The following COL26A1 variants were observed in gnomAD, a reference collection of about 807,000 sequenced individuals.
The protein encoded by COL26A1 is collagen type XXVI alpha 1 chain, also known as collagen alpha-1(XXVI) chain.
Under a neutral mutation model 59.3 loss-of-function variants are expected in COL26A1, and 41 were observed. That is an observed-to-expected ratio of 0.69 (90% CI 0.54 to 0.90). COL26A1 has a LOEUF of 0.90. Among genes scored for constraint, COL26A1 ranks in the 40% least tolerant of loss-of-function variants. COL26A1 has a pLI of 0.00. For synonymous variants in COL26A1, 266 were observed against 256.0 expected (o/e 1.04, Z -0.37); for missense variants, 612 against 602.3 (o/e 1.02, Z -0.17).
chr7:101,490,778 C>T (rs1563009074), intron 3 of COL26A1, among the ~76,000 whole-genome samples: 1 of 152,028 alleles, frequency 6.6e-6, no homozygotes, highest in South Asian at 2.1e-4. Flanking sequence ...GTGGGCGGAC[C>T]ACCTGAGGTC....
At chr7:101,527,339 C>A (rs1201618407) in intron 3 of COL26A1, among the ~76,000 whole-genome samples, 4 of 150,996 alleles carry the variant, frequency 2.6e-5, no homozygotes, top group Non-Finnish European at 5.9e-5. Context: ...TTATTTTTTT[C>A]TCTTTTTGAG....
intron 9 of COL26A1, 108 bp from the exon 10 acceptor site, chr7:101,551,000 C>T: frequency 3.1e-6 from 4 of 1,279,134 alleles, no homozygotes; most frequent in Non-Finnish European, 4.4e-6. Context: ...CTCTCCCTTC[C>T]TCTTCTGCAG....
At chr7:101,539,826 G>C in intron 4 of COL26A1, 67 bp from the exon 5 acceptor site, 3 of 1,487,904 alleles carry the variant, frequency 2.0e-6, no homozygotes, top group South Asian at 1.3e-5. Flanking sequence ...GCATGTCCCT[G>C]TGTGTCACGC....
intron 3 of COL26A1, among the ~76,000 whole-genome samples, chr7:101,490,148 G>C (rs953595612): frequency 6.6e-6 from 1 of 151,576 alleles, no homozygotes; most frequent in African/African-American, 2.4e-5. Context: ...ATATTGGCCA[G>C]GCTGGTCTCG....
At chr7:101,553,124 G>C (rs879194646) in intron 10 of COL26A1, 2 of 515,524 alleles carry the variant, frequency 3.9e-6, no homozygotes, top group South Asian at 5.3e-5. Flanking sequence ...GCCATGCCAG[G>C]CTGAGCAGGC....
chr7:101,395,843 A>G (rs1791842863), intron 1 of COL26A1, among the ~76,000 whole-genome samples: 2 of 152,134 alleles, frequency 1.3e-5, no homozygotes, highest in South Asian at 4.1e-4. Context: ...CAGCTCAGGT[A>G]TCTCTGGAGG....
chr7:101,525,238 G>A (rs566655023), intron 3 of COL26A1, among the ~76,000 whole-genome samples: 1 of 138,336 alleles, frequency 7.2e-6, no homozygotes, highest in South Asian at 2.3e-4. Flanking sequence ...CTGGAATGCA[G>A]TGGCGTGATC....
chr7:101,411,965 C>T lies in COL26A1; in HGVS notation c.159-8012C>T, dbSNP rs577601065. Among the ~76,000 whole-genome samples the T allele has an allele frequency of 3.9e-5, 6 of 152,182 alleles. No homozygotes were observed. In the South Asian group the frequency reaches 1.0e-3, roughly 26 times the overall value. On this transcript the variant is annotated intron_variant, in intron 1 of 12. Transcript: ENST00000313669. ...AACAAAACAAAAGAAAAAACAAAAG[C>T]CCTGGTCTCTGACTCAGGCTCGGGA...
intron 3 of COL26A1, among the ~76,000 whole-genome samples, chr7:101,487,838 C>G (rs1794300869): frequency 6.6e-6 from 1 of 152,176 alleles, no homozygotes; most frequent in African/African-American, 2.4e-5. Context: ...CACTGATTTT[C>G]CAGACCACAA....
At chr7:101,505,212 C>T (rs1277523823) in intron 3 of COL26A1, among the ~76,000 whole-genome samples, 1 of 151,336 alleles carries the variant, frequency 6.6e-6, no homozygotes, top group Non-Finnish European at 1.5e-5. Flanking sequence ...TATGTGAGCA[C>T]TCTCTGTGAT....
At chr7:101,387,861 C>G (rs1357883498) in intron 1 of COL26A1, among the ~76,000 whole-genome samples, 1 of 148,872 alleles carries the variant, frequency 6.7e-6, no homozygotes, top group Non-Finnish European at 1.5e-5. Context: ...CCTCCATCTC[C>G]TGGGTTCAAG....
intron 3 of COL26A1, among the ~76,000 whole-genome samples, chr7:101,464,735 C>CATTT (rs35000002): frequency 0.3 from 46,076 of 151,584 alleles, 7,423 homozygotes; most frequent in Non-Finnish European, 0.35. Flanking sequence ...TTATTTTATT[C>CATTT]ATTTATTTTG....
chr7:101,403,530 C>A (rs1377715216), intron 1 of COL26A1, among the ~76,000 whole-genome samples: 1 of 105,280 alleles, frequency 9.5e-6, no homozygotes, highest in Non-Finnish European at 2.5e-5. Context: ...ACAACAACAA[C>A]AAAACAAAAC....
At chr7:101,516,891 A>G (rs1379292928) in intron 3 of COL26A1, among the ~76,000 whole-genome samples, 1 of 152,164 alleles carries the variant, frequency 6.6e-6, no homozygotes, top group African/African-American at 2.4e-5. Flanking sequence ...CTCCCTAAGA[A>G]AGAGCCAGAT....
intron 2 of COL26A1, among the ~76,000 whole-genome samples, chr7:101,437,358 C>T (rs1003456900): frequency 6.8e-6 from 1 of 147,220 alleles, no homozygotes; most frequent in African/African-American, 2.5e-5. Context: ...CACACAGGGC[C>T]AGTGGAGTCC....
At chr7:101,537,964 C>A (rs763369626) in intron 4 of COL26A1, among the ~76,000 whole-genome samples, 1 of 152,086 alleles carries the variant, frequency 6.6e-6, no homozygotes, top group Non-Finnish European at 1.5e-5. Context: ...CCCAAGCCTG[C>A]CCCTCTCCCG....
At position 101,557,465 on chromosome 7, in the gene COL26A1, C is replaced by T. The variant is rs779523406; in HGVS notation, c.1261C>T (p.Leu421Phe). 4.1e-5 allele frequency: 66 copies of T among 1,613,618 alleles called. No homozygotes were observed. The highest frequency in any genetic ancestry group is 5.3e-5 in the Non-Finnish European group (63 of 1,179,738). The part of the protein sequence containing the change: ...KRGGAQPDGV[L>F]AALLGPDPGQ... ...GGGTGGCGCCCAACCCGATGGGGTCCTTGCTGCCCTGCTTGGGCCCGACCC... is the reference window on the plus strand; with the variant it reads ...GGGTGGCGCCCAACCCGATGGGGTCTTTGCTGCCCTGCTTGGGCCCGACCC... The change falls in exon 13 of 13, where the codon CTT becomes TTT. Residue 421 changes from leucine (L) to phenylalanine (F), a missense_variant. By Grantham distance (22) the Leu-to-Phe change is conservative (BLOSUM62 0). Transcript: ENST00000313669.
intron 1 of COL26A1, among the ~76,000 whole-genome samples, chr7:101,366,525 G>A (rs1791053269): frequency 8.6e-6 from 1 of 116,568 alleles, no homozygotes. Flanking sequence ...TTTAAAGACA[G>A]GGTCTTGCTC....
chr7:101,535,595 G>A (rs1011962124), intron 4 of COL26A1, among the ~76,000 whole-genome samples: 4 of 152,194 alleles, frequency 2.6e-5, no homozygotes, highest in Non-Finnish European at 5.9e-5. Flanking sequence ...GCCCGGGGCA[G>A]AGCTTTGTCC....
Sources: allele counts gnomAD v4.1 joint callset (sites outside exome capture counted in the v4.1 genomes callset), GRCh38; gene constraint gnomAD v4.1.1; transcripts MANE v1.5; gene names NCBI Gene and HGNC (gene_info 2026-07-23, HGNC 2026-07-21).